The following MOB3A variants were observed in gnomAD, a reference collection of about 807,000 sequenced individuals.
MOB3A encodes MOB LAK.
In MOB3A, 17 loss-of-function variants were observed where a neutral mutation model predicts 17.8. The ratio of observed to expected loss-of-function variants is 0.95; its 90% CI spans 0.65 to 1.43. The LOEUF (loss-of-function observed/expected upper bound fraction) is 1.43, where lower values mean the gene tolerates loss of function less well. MOB3A is among the 40% of genes most tolerant of loss of function. MOB3A has a pLI of 0.00. For synonymous variants in MOB3A, 124 were observed against 133.2 expected, an observed-to-expected ratio of 0.93 and a Z score of 0.48; for missense variants, 333 against 310.8, an observed-to-expected ratio of 1.07 and a Z score of -0.54.
At position 2,078,553 on chromosome 19, in the gene MOB3A, T is replaced by C. The variant is rs767591156; in HGVS notation, c.8A>G (p.Asn3Ser). 11 of 1,567,308 alleles carry C rather than the reference T, an allele frequency of 7.0e-6. No homozygotes were observed. The highest frequency in any genetic ancestry group is 4.5e-5 in the East Asian group (2 of 44,276). MSNPFLKQVFNKD... is the reference protein window; with the variant it reads MSSPFLKQVFNKD... ...GTTGAAGACTTGCTTCAGGAAGGGG[T>C]TGGACATCTTGGTGACGCCTGCTCT... The change falls in exon 3 of 5, where the codon AAC (asparagine) becomes AGC (serine). Residue 3 changes from asparagine (N) to serine (S), a missense_variant. By Grantham distance (46) the Asn-to-Ser change is conservative (BLOSUM62 1). Transcript: ENST00000357066.
At chr19:2,089,042 C>T (rs920743572) in intron 1 of MOB3A, among the ~76,000 whole-genome samples, 18 of 152,184 alleles carry the variant, frequency 1.2e-4, no homozygotes, top group African/African-American at 2.4e-4. Flanking sequence ...CACTTCCCTA[C>T]GCACTCATAA....
At chr19:2,073,985 C>T (rs1051670400) in intron 4 of MOB3A, among the ~76,000 whole-genome samples, 14 of 149,688 alleles carry the variant, frequency 9.4e-5, no homozygotes, top group East Asian at 2.0e-4. Flanking sequence ...GAGCCAAGAT[C>T]GCGCCACTGC....
chr19:2,095,565 C>G (rs1233445992), intron 1 of MOB3A, among the ~76,000 whole-genome samples: 1 of 152,146 alleles, frequency 6.6e-6, no homozygotes, highest in Non-Finnish European at 1.5e-5. Context: ...GGGCAGCGGG[C>G]AGGGCCAGGA....
Position 2,073,062 on chromosome 19 carries a change from C to T in MOB3A, c.*333G>A. On this transcript the variant is annotated 3_prime_UTR_variant, in exon 5 of 5. Transcript: ENST00000357066. ...GCAGAAGTTCCAGGAGCCTGGGAGC[C>T]ACCCAGGGCAAGGAGTGACCCTGGA... is the stretch of plus-strand genomic sequence containing the variant. 1.6e-5 allele frequency: 6 copies of T among 364,220 alleles called. No individual in the cohort carries two copies. Among genetic ancestry groups the T allele is most frequent in the Non-Finnish European group, 3.0e-5 (6 of 200,640 alleles). 22.6% of individuals were successfully genotyped at this position (364,220 alleles called of 1,614,324 possible). A position where few individuals can be genotyped will look rare whatever the true frequency, so the allele number is the denominator to read the frequency against.
At chr19:2,089,190 G>C (rs1395005694) in intron 1 of MOB3A, among the ~76,000 whole-genome samples, 1 of 152,172 alleles carries the variant, frequency 6.6e-6, no homozygotes. Context: ...TGGGGCCCTG[G>C]AGGACCTGCT....
Position 2,078,675 on chromosome 19 carries a change from C to G in MOB3A, c.-115G>C. The stretch of plus-strand genomic sequence containing the variant: ...CTCACCAAGCCCCACAGCTCTCCCG[C>G]GGACCTGAAATACACAGGGGAATCA... On this transcript the variant is annotated 5_prime_UTR_variant, in exon 3 of 5. Transcript: ENST00000357066. 9.4e-7 allele frequency: 1 copy of G among 1,059,900 alleles called. No homozygotes were observed. 65.7% of individuals were successfully genotyped at this position (1,059,900 alleles called of 1,614,324 possible).
At chr19:2,095,757 C>CT (rs112997414) in intron 1 of MOB3A, among the ~76,000 whole-genome samples, 4,645 of 144,196 alleles carry the variant, frequency 0.032, 183 homozygotes, top group African/African-American at 0.097. Flanking sequence ...TTCTTTTGTT[C>CT]TTTTTTTTTT....
chr19:2,081,476 T>A (rs955456402), intron 2 of MOB3A, among the ~76,000 whole-genome samples: 4 of 151,910 alleles, frequency 2.6e-5, no homozygotes, highest in Admixed American at 6.6e-5. Flanking sequence ...TAATCCCAGC[T>A]ACTCGGGAGG....
chr19:2,090,649 T>C lies in MOB3A; in HGVS notation c.-273-5321A>G, dbSNP rs187715780. Among the ~76,000 whole-genome samples the C allele has an allele frequency of 5.5e-3, 840 of 152,204 alleles. 2 individuals carry two copies. The highest frequency in any genetic ancestry group is 8.1e-3 in the Non-Finnish European group (548 of 67,996). ...GGTCAATGAAATACGACATTAAACA[T>C]AGCAATGATACAAATACGTTATTTT... On this transcript the variant is annotated intron_variant, in intron 1 of 4. Transcript: ENST00000357066.
At chr19:2,076,055 G>T (rs958966897) in intron 4 of MOB3A, among the ~76,000 whole-genome samples, 1 of 150,266 alleles carries the variant, frequency 6.7e-6, no homozygotes, top group African/African-American at 2.5e-5. Flanking sequence ...CCCGGAAGGT[G>T]GGGGTTGCAG....
intron 1 of MOB3A, chr19:2,089,974 G>C (rs1336476421): frequency 6.6e-6 from 1 of 152,254 alleles, no homozygotes; most frequent in Non-Finnish European, 1.5e-5. Context: ...GTCCCCTGGG[G>C]GCAAAACTGC....
At chr19:2,091,870 G>C (rs189049200) in intron 1 of MOB3A, among the ~76,000 whole-genome samples, 2 of 149,982 alleles carry the variant, frequency 1.3e-5, no homozygotes, top group East Asian at 4.2e-4. Flanking sequence ...GGTGGCGGGC[G>C]CCTGTAATCC....
In MOB3A at chr19:2,078,164, C is replaced by G; in HGVS notation, c.397G>C (p.Glu133Gln). 6.3e-7 allele frequency: 1 copy of G among 1,583,982 alleles called. No individual in the cohort carries two copies. ...CCAACGTTGGTGGGGAAGAGGTCCT[C>G]GTTGTTGATCTGCGCCTCGATCCAG... ...MDWIEAQINN[E>Q]DLFPTNVGTP... Residue 133 changes from glutamate (E) to glutamine (Q), a missense_variant, in exon 3 of 5, where the codon GAG (glutamate) becomes CAG (glutamine). Coordinates refer to ENST00000357066, the MANE Select transcript of MOB3A (RefSeq NM_130807.3).
chr19:2,078,644 G>A lies in MOB3A; in HGVS notation c.-84C>T, dbSNP rs2017449084. On this transcript the variant is annotated 5_prime_UTR_variant, in exon 3 of 5. Coordinates refer to ENST00000357066, the MANE Select transcript of MOB3A (RefSeq NM_130807.3). ...GGTGCTGACCAACCCGAGAGGCCAC[G>A]AAACACTCACCAAGCCCCACAGCTC... The A allele has an allele frequency of 1.6e-5, 22 of 1,360,454 alleles. No homozygotes were observed. Among genetic ancestry groups the A allele is most frequent in the Middle Eastern group, 1.9e-4 (1 of 5,310 alleles). 84.3% of individuals were successfully genotyped at this position (1,360,454 alleles called of 1,614,324 possible). A position where few individuals can be genotyped will look rare whatever the true frequency, so the allele number is the denominator to read the frequency against.
chr19:2,092,742 A>G (rs1025027696), intron 1 of MOB3A, among the ~76,000 whole-genome samples: 3 of 146,310 alleles, frequency 2.1e-5, no homozygotes, highest in African/African-American at 7.8e-5. Flanking sequence ...TGGGCAAGAG[A>G]AACTCCATCT....
At chr19:2,081,896 C>T (rs1158778127) in intron 2 of MOB3A, among the ~76,000 whole-genome samples, 1 of 152,136 alleles carries the variant, frequency 6.6e-6, no homozygotes, top group Non-Finnish European at 1.5e-5. Flanking sequence ...AAACACAACA[C>T]AACACAACAC....
rs2017448795 is a variant in MOB3A, at chr19:2,078,630, AC to A, written c.-71del. 8.9e-6 allele frequency: 13 copies of A among 1,461,580 alleles called. No individual in the cohort carries two copies. In the East Asian group the frequency reaches 3.0e-4, roughly 34 times the overall value. 90.5% of individuals were successfully genotyped at this position (1,461,580 alleles called of 1,614,324 possible). On this transcript the variant is annotated 5_prime_UTR_variant, in exon 3 of 5. Transcript: ENST00000357066. ...GCCAGCTGGCTGGGGGTGCTGACCA[AC>A]CCGAGAGGCCACGAAACACTCACCA...
chr19:2,095,941 A>C (rs2017683704), intron 1 of MOB3A, among the ~76,000 whole-genome samples: 1 of 151,440 alleles, frequency 6.6e-6, no homozygotes, highest in African/African-American at 2.4e-5. Flanking sequence ...ACGGGGTTTC[A>C]CCATGTTGGC....
intron 1 of MOB3A, among the ~76,000 whole-genome samples, chr19:2,087,802 G>A (rs959572988): frequency 1.3e-5 from 2 of 152,184 alleles, no homozygotes; most frequent in Non-Finnish European, 2.9e-5. Context: ...AGGGAGGAAC[G>A]CCCCAAGCTA....
Sources: gnomAD v4.1 joint callset for allele counts (sites outside exome capture counted in the v4.1 genomes callset) on GRCh38, gnomAD v4.1.1 for gene constraint, MANE v1.5 for transcripts, NCBI Gene and HGNC (gene_info 2026-07-23, HGNC 2026-07-21) for gene names.